The following MNS1 variants were observed in gnomAD, a reference collection of about 807,000 sequenced individuals.
MNS1 encodes the protein meiosis specific nuclear structural 1, also known as meiosis-specific nuclear structural protein 1.
MNS1 carries 63 observed loss-of-function variants against 72.0 expected under a neutral mutation model. The ratio of observed to expected loss-of-function variants is 0.87; its 90% CI spans 0.71 to 1.08. The LOEUF (loss-of-function observed/expected upper bound fraction) is 1.08. Ranked by LOEUF, MNS1 falls within the 50% of genes least tolerant of loss-of-function variation. The pLI, the probability that MNS1 is intolerant of heterozygous loss-of-function variation, is 0.00. For synonymous variants in MNS1, 188 were observed against 172.1 expected (o/e 1.09, Z -0.72); for missense variants, 604 against 562.4 (o/e 1.07, Z -0.75).
rs553269950 is a variant in MNS1 at position 56,464,855 on chromosome 15, T to C, written c.3+115A>G. The C allele has an allele frequency of 3.5e-4, 507 of 1,430,838 alleles. 1 individual carries two copies. The highest frequency in any genetic ancestry group is 2.7e-3 in the South Asian group (217 of 80,554). 88.6% of individuals were successfully genotyped at this position (1,430,838 alleles called of 1,614,324 possible). A position where few individuals can be genotyped will look rare whatever the true frequency, so the allele number is the denominator to read the frequency against. On this transcript the variant is annotated intron_variant, in intron 1 of 9. Transcript: ENST00000260453. ...GAAGCCTCCGAAAGCAAATACAAGT[T>C]CCCCAATTAATGACCAGATTAAGCA... is the stretch of plus-strand genomic sequence containing the variant.
chr15:56,446,850 A>T lies in MNS1; in HGVS notation c.447T>A (p.Tyr149Ter). ...AQIAEKDAIK[Y>*]EQMKRDAEIA... is the part of the protein sequence containing the mutation. Reference sequence around the variant, plus strand: ...CCAGAAACATGATTACCATTTGTTCATATTTAATGGCATCCTTTTCAGCAA... The same window carrying T: ...CCAGAAACATGATTACCATTTGTTCTTATTTAATGGCATCCTTTTCAGCAA... The change falls in exon 4 of 10, where the codon TAT becomes TAA. Residue 149 changes from tyrosine to a stop codon, truncating the protein, a stop_gained. Coordinates refer to ENST00000260453, the MANE Select transcript of MNS1 (RefSeq NM_018365.4). LOFTEE classifies it high-confidence loss of function. 6.2e-7 allele frequency: 1 copy of T among 1,605,024 alleles called. No homozygotes were observed. Among genetic ancestry groups the T allele is most frequent in the African/African-American group, 1.3e-5 (1 of 74,906 alleles).
At chr15:56,444,788 T>A in intron 4 of MNS1, 115 bp from the exon 5 acceptor site, 2 of 966,604 alleles carry the variant, frequency 2.1e-6, no homozygotes, top group Admixed American at 5.1e-5. Context: ...ATAAATTTTT[T>A]CATCTGTCTA....
Position 56,456,482 on chromosome 15 carries a change from G to C in MNS1, c.265C>G (p.Gln89Glu), listed in dbSNP as rs779301648. 2 of 1,611,524 alleles carry C rather than the reference G, an allele frequency of 1.2e-6. No homozygotes were observed. Among genetic ancestry groups the C allele is most frequent in the Non-Finnish European group, 1.7e-6 (2 of 1,179,242 alleles). The change falls in exon 3 of 10, where the codon CAA (glutamine) becomes GAA (glutamate). Residue 89 changes from glutamine (Q) to glutamate (E), a missense_variant. Gln to Glu is a conservative substitution (Grantham distance 29, BLOSUM62 2). Transcript: ENST00000260453. ...NKRLKELQLK[Q>E]EEKLAMELAK... is the part of the protein sequence containing the mutation. Reference sequence around the variant, plus strand: ...AATTCCATAGCCAGTTTTTCTTCTTGTTTGAGCTGGAGTTCTTTCAATCTC... The same window carrying C: ...AATTCCATAGCCAGTTTTTCTTCTTCTTTGAGCTGGAGTTCTTTCAATCTC...
In MNS1 at chr15:56,464,661, G is replaced by A. The variant is rs577594393; in HGVS notation, c.3+309C>T. Reference sequence around the variant, plus strand: ...CTGGTCAGATTTTCCTAACATAAATGTAATAGGTCAATTCGCCGCTATTTA... The same window carrying A: ...CTGGTCAGATTTTCCTAACATAAATATAATAGGTCAATTCGCCGCTATTTA... On this transcript the variant is annotated intron_variant, in intron 1 of 9. Coordinates refer to ENST00000260453, the MANE Select transcript of MNS1 (RefSeq NM_018365.4). 2.0e-5 allele frequency among the ~76,000 whole-genome samples: 3 copies of A among 152,184 alleles called. No homozygotes were observed. The South Asian group carries it at 6.2e-4, about 32-fold the overall frequency.
At chr15:56,440,618 G>A (rs2050801186) in intron 7 of MNS1, among the ~76,000 whole-genome samples, 2 of 152,210 alleles carry the variant, frequency 1.3e-5, no homozygotes, top group South Asian at 4.1e-4. Flanking sequence ...CATGCCAATG[G>A]AATGTTACTC....
At chr15:56,447,821 C>T (rs1236799314) in intron 3 of MNS1, 2 of 152,206 alleles carry the variant, frequency 1.3e-5, no homozygotes, top group African/African-American at 2.4e-5. Flanking sequence ...CCTTTATGTT[C>T]GCACTTATCC....
rs1401609962 is a variant in MNS1, at chr15:56,456,503, A to G, written c.244T>C (p.Leu82=). The G allele has an allele frequency of 1.9e-6, 3 of 1,610,468 alleles. No individual in the cohort carries two copies. In the South Asian group the frequency reaches 3.3e-5, roughly 18 times the overall value. The change falls in exon 3 of 10, where the codon TTG becomes CTG. Residue 82 remains leucine, a synonymous_variant. Coordinates refer to ENST00000260453, the MANE Select transcript of MNS1 (RefSeq NM_018365.4). ...AIQKAEENKR[L]KELQLKQEEK... is the part of the protein sequence containing the mutation. ...TCTTGTTTGAGCTGGAGTTCTTTCA[A>G]TCTCTTGTTTTCTTCTGCCTGAACG...
chr15:56,433,471 G>A (rs2050655281), intron 8 of MNS1, among the ~76,000 whole-genome samples: 1 of 151,720 alleles, frequency 6.6e-6, no homozygotes, highest in Non-Finnish European at 1.5e-5. Flanking sequence ...ATTTATTAGG[G>A]GTAGCCTTAA....
At chr15:56,453,145 T>C (rs956980443) in intron 3 of MNS1, among the ~76,000 whole-genome samples, 9 of 152,222 alleles carry the variant, frequency 5.9e-5, no homozygotes, top group South Asian at 4.1e-4. Context: ...TTCTTGACTT[T>C]AACTTCATTT....
chr15:56,442,221 CA>C (rs2050827917), intron 7 of MNS1, among the ~76,000 whole-genome samples: 1 of 151,884 alleles, frequency 6.6e-6, no homozygotes, highest in Non-Finnish European at 1.5e-5. Flanking sequence ...ATTAAAGTCA[CA>C]AAAGAATGGA....
chr15:56,461,263 C>T (rs1451927380), intron 2 of MNS1, among the ~76,000 whole-genome samples: 6 of 151,884 alleles, frequency 4.0e-5, no homozygotes, highest in Non-Finnish European at 8.8e-5. Context: ...TACCTAGAAA[C>T]CCCAAGGCCC....
At chr15:56,437,051 T>C (rs2050737962) in intron 7 of MNS1, among the ~76,000 whole-genome samples, 2 of 152,184 alleles carry the variant, frequency 1.3e-5, no homozygotes, top group South Asian at 2.1e-4. Context: ...TCATTCCTTC[T>C]GAAACTATTC....
chr15:56,431,636 T>C (rs1179542478), intron 8 of MNS1, 138 bp from the exon 9 acceptor site: 1 of 595,068 alleles, frequency 1.7e-6, no homozygotes, highest in Non-Finnish European at 2.6e-6. Context: ...TTCTAGATAA[T>C]ATATATTTTT....
chr15:56,441,947 G>A (rs1436545444), intron 7 of MNS1, among the ~76,000 whole-genome samples: 3 of 152,014 alleles, frequency 2.0e-5, no homozygotes, highest in Admixed American at 6.6e-5. Context: ...GTGAACCCGG[G>A]AGGCATAGCT....
rs186693399 is a variant in MNS1 at position 56,447,967 on chromosome 15, T to C, written c.354-1024A>G. ...TTCAAATACATCCATTTATTGCATATAGTAATTGCTTACTCCTTTTTATTG... is the reference window on the plus strand; with the variant it reads ...TTCAAATACATCCATTTATTGCATACAGTAATTGCTTACTCCTTTTTATTG... On this transcript the variant is annotated intron_variant, in intron 3 of 9. Coordinates refer to ENST00000260453, the MANE Select transcript of MNS1 (RefSeq NM_018365.4). Among the ~76,000 whole-genome samples, 3 of 152,354 alleles carry C rather than the reference T, an allele frequency of 2.0e-5. No individual in the cohort carries two copies. In the East Asian group the frequency reaches 5.8e-4, roughly 29 times the overall value.
intron 4 of MNS1, among the ~76,000 whole-genome samples, chr15:56,445,416 T>C (rs2050890139): frequency 6.6e-6 from 1 of 152,026 alleles, no homozygotes; most frequent in Non-Finnish European, 1.5e-5. Context: ...ACTTTTATGA[T>C]CACATCCCGA....
intron 2 of MNS1, 57 bp downstream of exon 2, chr15:56,463,969 T>TC (rs1474336805): frequency 7.2e-7 from 1 of 1,388,206 alleles, no homozygotes; most frequent in African/African-American, 1.4e-5. Flanking sequence ...CAGCTGACTT[T>TC]CATCGTTTCC....
Position 56,443,621 on chromosome 15 carries a change from A to G in MNS1, c.903+17T>C, listed in dbSNP as rs750512600. ...TTCAGAATTTTACTAGTGTTAAAGAAGTGGTTATTTTAATACCGCATTCTG... is the reference window on the plus strand; with the variant it reads ...TTCAGAATTTTACTAGTGTTAAAGAGGTGGTTATTTTAATACCGCATTCTG... On this transcript the variant is annotated intron_variant, in intron 6 of 9. Coordinates refer to ENST00000260453, the MANE Select transcript of MNS1 (RefSeq NM_018365.4). 1 of 1,605,868 alleles carries G rather than the reference A, an allele frequency of 6.2e-7. No homozygotes were observed. Among genetic ancestry groups the G allele is most frequent in the Admixed American group, 1.7e-5 (1 of 58,990 alleles).
intron 4 of MNS1, 152 bp from the exon 5 acceptor site, chr15:56,444,825 T>C: frequency 1.5e-6 from 1 of 688,938 alleles, no homozygotes; most frequent in Middle Eastern, 4.1e-4. Flanking sequence ...TAAGTTATTA[T>C]TACCTGAAGG....
Sources: gnomAD v4.1 joint callset for allele counts (sites outside exome capture counted in the v4.1 genomes callset) on GRCh38, gnomAD v4.1.1 for gene constraint, MANE v1.5 for transcripts, NCBI Gene and HGNC (gene_info 2026-07-23, HGNC 2026-07-21) for gene names.